RASEF: variants seen among roughly 807,000 people sequenced by gnomAD.
RASEF encodes ras and EF-hand domain-containing protein.
Under a neutral mutation model 90.1 loss-of-function variants are expected in RASEF, and 68 were observed. The ratio of observed to expected loss-of-function variants is 0.75; its 90% CI spans 0.62 to 0.92. The LOEUF (loss-of-function observed/expected upper bound fraction) is 0.92, where lower values mean the gene tolerates loss of function less well. Among genes scored for constraint, RASEF ranks in the 40% least tolerant of loss-of-function variants. The pLI is 0.00. For missense variants in RASEF, 949 were observed against 937.2 expected (o/e 1.01, Z -0.16); for synonymous variants, 331 against 345.2 (o/e 0.96, Z 0.46).
At chr9:83,015,409 A>G (rs927711735) in intron 4 of RASEF, among the ~76,000 whole-genome samples, 14 of 152,218 alleles carry the variant, frequency 9.2e-5, no homozygotes, top group African/African-American at 3.1e-4. Context: ...GGCTGGGCAC[A>G]GTGGCTCACG....
chr9:82,996,503 C>T (rs1828920812), intron 14 of RASEF, among the ~76,000 whole-genome samples: 1 of 152,148 alleles, frequency 6.6e-6, no homozygotes, highest in South Asian at 2.1e-4. Context: ...ACTGGTATTT[C>T]GGTAGTACCT....
chr9:83,192,012 C>T, the RASEF span, among the ~76,000 whole-genome samples: 19 of 152,280 alleles, frequency 1.2e-4, no homozygotes, highest in African/African-American at 4.6e-4. Flanking sequence ...GAGATACCAT[C>T]TCACACCAGT....
the RASEF span, among the ~76,000 whole-genome samples, chr9:83,130,775 C>T: frequency 6.6e-6 from 1 of 152,240 alleles, no homozygotes; most frequent in Non-Finnish European, 1.5e-5. Context: ...AGACAGCTTA[C>T]AAACACACAG....
the RASEF span, among the ~76,000 whole-genome samples, chr9:83,145,225 T>G: frequency 6.6e-6 from 1 of 152,142 alleles, no homozygotes; most frequent in Non-Finnish European, 1.5e-5. Flanking sequence ...TAACAAGGAC[T>G]ATAAAACATA....
chr9:83,161,294 C>G, the RASEF span, among the ~76,000 whole-genome samples: 1 of 152,226 alleles, frequency 6.6e-6, no homozygotes, highest in East Asian at 1.9e-4. Context: ...AGGGGCAAAG[C>G]TGCCTGAGAC....
At chr9:83,214,426 T>G in the RASEF span, among the ~76,000 whole-genome samples, 2 of 152,106 alleles carry the variant, frequency 1.3e-5, no homozygotes, top group Non-Finnish European at 2.9e-5. Context: ...TTAAAAATAT[T>G]TAAAGAATAT....
chr9:83,216,218 G>A, the RASEF span, among the ~76,000 whole-genome samples: 5 of 152,296 alleles, frequency 3.3e-5, 1 homozygote, highest in South Asian at 4.1e-4. Context: ...GCATAGTAAC[G>A]AGGAGCTAAA....
chr9:82,998,483 A>T, intron 12 of RASEF, 37 bp from the exon 13 acceptor site: 1 of 1,318,172 alleles, frequency 7.6e-7, no homozygotes, highest in Non-Finnish European at 1.1e-6. Context: ...CACGATGTAA[A>T]TAATTCCATT....
chr9:83,002,831 A>G (rs769258884), intron 9 of RASEF, among the ~76,000 whole-genome samples: 9 of 152,146 alleles, frequency 5.9e-5, no homozygotes, highest in Non-Finnish European at 1.2e-4. Context: ...GCATTATGCA[A>G]TATACTCATG....
chr9:83,108,514 A>T, the RASEF span, among the ~76,000 whole-genome samples: 1 of 152,120 alleles, frequency 6.6e-6, no homozygotes, highest in South Asian at 2.1e-4. Context: ...GTGGTTCAGA[A>T]TTTTTTTGTG....
the RASEF span, among the ~76,000 whole-genome samples, chr9:83,091,077 C>T: frequency 6.6e-6 from 1 of 152,144 alleles, no homozygotes; most frequent in Admixed American, 6.6e-5. Context: ...ATGCTTTCAA[C>T]ATTCATCCAG....
intron 1 of RASEF, among the ~76,000 whole-genome samples, chr9:83,061,987 T>C (rs1830209253): frequency 1.3e-5 from 2 of 152,244 alleles, no homozygotes; most frequent in African/African-American, 4.8e-5. Flanking sequence ...AGTTTCCTTT[T>C]CTATAGTCTT....
the RASEF span, among the ~76,000 whole-genome samples, chr9:83,160,908 C>A: frequency 5.3e-5 from 8 of 152,184 alleles, no homozygotes; most frequent in Non-Finnish European, 7.3e-5. Flanking sequence ...AAGCCCCAAG[C>A]CTTGGCATCC....
chr9:83,154,258 G>A, the RASEF span, among the ~76,000 whole-genome samples: 5 of 152,284 alleles, frequency 3.3e-5, no homozygotes, highest in South Asian at 2.1e-4. Flanking sequence ...GGACAGAAGC[G>A]ATGTGGAAAG....
the RASEF span, among the ~76,000 whole-genome samples, chr9:83,098,748 G>A: frequency 6.6e-6 from 1 of 152,188 alleles, no homozygotes; most frequent in Non-Finnish European, 1.5e-5. Flanking sequence ...GAGGGAGCTT[G>A]TGCAGGGAAT....
chr9:83,101,491 G>T, the RASEF span, among the ~76,000 whole-genome samples: 1 of 152,182 alleles, frequency 6.6e-6, no homozygotes, highest in Admixed American at 6.5e-5. Flanking sequence ...GGTCACTAAA[G>T]TTACTTGAAC....
the RASEF span, among the ~76,000 whole-genome samples, chr9:83,101,344 G>A: frequency 1.4e-4 from 22 of 152,210 alleles, no homozygotes; most frequent in Non-Finnish European, 1.9e-4. Context: ...CTGCAGGTGC[G>A]GACATTGCAG....
At chr9:83,092,694 C>G in the RASEF span, among the ~76,000 whole-genome samples, 1 of 152,176 alleles carries the variant, frequency 6.6e-6, no homozygotes, top group Non-Finnish European at 1.5e-5. Flanking sequence ...GTTGCCACTG[C>G]TGGCTTGGGC....
the RASEF span, among the ~76,000 whole-genome samples, chr9:83,146,530 T>C: frequency 6.6e-6 from 1 of 152,200 alleles, no homozygotes; most frequent in African/African-American, 2.4e-5. Flanking sequence ...TCCATGAATG[T>C]CAACAGAGAG....
Sources: allele counts gnomAD v4.1 joint callset (sites outside exome capture counted in the v4.1 genomes callset), GRCh38; gene constraint gnomAD v4.1.1; transcripts MANE v1.5; gene names NCBI Gene and HGNC (gene_info 2026-07-23, HGNC 2026-07-21).